Variants in NOC2L observed in about 807,000 individuals in gnomAD.
NOC2L encodes the protein NOC2 like nucleolar associated transcriptional repressor.
A neutral mutation model predicts 94.2 loss-of-function variants in NOC2L; 101 were observed. The observed-to-expected ratio is 1.07, with a 90% CI of 0.91 to 1.26. The LOEUF is 1.26. Ranked by LOEUF, NOC2L falls within the 50% of genes most tolerant of loss-of-function variation. The pLI, the probability that NOC2L is intolerant of heterozygous loss-of-function variation, is 0.00. For missense variants in NOC2L, 1,076 were observed against 980.1 expected (o/e 1.10, Z -1.31); for synonymous variants, 531 against 413.4 (o/e 1.28, Z -3.45).
At position 956,178 on chromosome 1, in the gene NOC2L, T is replaced by C. The variant is rs2100395700; in HGVS notation, c.524A>G (p.Gln175Arg). The C allele has an allele frequency of 6.2e-7, 1 of 1,613,904 alleles. No individual in the cohort carries two copies. The highest frequency in any genetic ancestry group is 8.5e-7 in the Non-Finnish European group (1 of 1,180,004). Residue 175 changes from glutamine (Q) to arginine (R), a missense_variant, in exon 5 of 19, where the codon CAG becomes CGG. Gln to Arg is a conservative substitution (Grantham distance 43). Transcript: ENST00000327044. ...GGTGGCCACAGCTGCTCGGAACGCC[T>C]GTACCACTTCATGGAACAGCTTTGG... ...LTPKLFHEVVQAFRAAVATTR... is the reference protein window; with the variant it reads ...LTPKLFHEVVRAFRAAVATTR...
chr1:947,474 G>T (rs1294740858), intron 14 of NOC2L, among the ~76,000 whole-genome samples: 1 of 152,240 alleles, frequency 6.6e-6, no homozygotes, highest in African/African-American at 2.4e-5. Flanking sequence ...CAGACCTATA[G>T]TCGGCACATC....
At chr1:949,034 A>C (rs970772139) in intron 12 of NOC2L, among the ~76,000 whole-genome samples, 1 of 97,918 alleles carries the variant, frequency 1.0e-5, no homozygotes, top group African/African-American at 3.4e-5. Flanking sequence ...AGCAACCAGA[A>C]GACGCAGCAG....
rs1557619783 is a variant in NOC2L, at chr1:952,090, A to G, written c.1241T>C (p.Leu414Pro). The G allele has an allele frequency of 1.9e-6, 3 of 1,613,668 alleles. No homozygotes were observed. Among genetic ancestry groups the G allele is most frequent in the Admixed American group, 1.7e-5 (1 of 60,020 alleles). The change falls in exon 11 of 19, where the codon CTG becomes CCG. Residue 414 changes from leucine (L) to proline (P), a missense_variant. Coordinates refer to ENST00000327044, the MANE Select transcript of NOC2L (RefSeq NM_015658.4). ...YNWQYVHCLFLWCRVLSTAGP... is the reference protein window; with the variant it reads ...YNWQYVHCLFPWCRVLSTAGP... ...CGCAGTGCTCAGGACCCGGCACCACAGGAAGAGGCAGTGCACATACTGCCA... is the reference window on the plus strand; with the variant it reads ...CGCAGTGCTCAGGACCCGGCACCACGGGAAGAGGCAGTGCACATACTGCCA...
rs370176089 is a variant in NOC2L at position 944,795 on chromosome 1, C to A, written c.2149G>T (p.Asp717Tyr). ...EEDSSNSEDG[D>Y]PDAEAGLAPG... ...GCCAGCCCCGCCTCTGCGTCTGGGT[C>A]TCCATCTGCGGGGAGAGATGGAGGC... The change falls in exon 19 of 19, where the codon GAC (aspartate) becomes TAC (tyrosine). Residue 717 changes from aspartate to tyrosine, a missense_variant. Asp to Tyr is a radical substitution (Grantham distance 160, BLOSUM62 -3). Transcript: ENST00000327044. The A allele has an allele frequency of 2.5e-6, 4 of 1,583,848 alleles. No homozygotes were observed. Among genetic ancestry groups the A allele is most frequent in the South Asian group, 1.1e-5 (1 of 89,436 alleles).
chr1:953,945 A>T, intron 7 of NOC2L, 53 bp from the exon 8 acceptor site: 1 of 1,607,478 alleles, frequency 6.2e-7, no homozygotes, highest in Non-Finnish European at 8.5e-7. Context: ...CTGGGATACA[A>T]AAAAGGACCG....
chr1:952,609 A>G lies in NOC2L; in HGVS notation c.1003-9T>C, dbSNP rs112966263. 1,216 of 1,613,330 alleles carry G rather than the reference A, an allele frequency of 7.5e-4. 10 individuals are homozygous for G. The African/African-American group carries it at 0.014, about 19-fold the overall frequency. ...TACGTGATGTACATTTGCTGCGGAG[A>G]GACCCGGGTCAGAGCCACCTGGGAT... On this transcript the variant is annotated splice_polypyrimidine_tract_variant and intron_variant, in intron 9 of 18. Coordinates refer to ENST00000327044, the MANE Select transcript of NOC2L (RefSeq NM_015658.4).
At position 956,061 on chromosome 1, in the gene NOC2L, G is replaced by A. The variant is rs1023796060; in HGVS notation, c.607+34C>T. 7.4e-6 allele frequency: 12 copies of A among 1,613,980 alleles called. No individual in the cohort carries two copies. The African/African-American group carries it at 1.2e-4, about 16-fold the overall frequency. ...TACTCACGGGACAGAGAACGCAACAGACAGCCTGGATGCCAGGCTCCCCCC... is the reference window on the plus strand; with the variant it reads ...TACTCACGGGACAGAGAACGCAACAAACAGCCTGGATGCCAGGCTCCCCCC... On this transcript the variant is annotated intron_variant, in intron 5 of 18. Coordinates refer to ENST00000327044, the MANE Select transcript of NOC2L (RefSeq NM_015658.4).
At chr1:958,653 C>CA in intron 2 of NOC2L, 2 of 653,256 alleles carry the variant, frequency 3.1e-6, no homozygotes, top group Non-Finnish European at 5.7e-6. Flanking sequence ...TACCGAACTG[C>CA]AGGCGGTGAT....
chr1:956,174 C>T lies in NOC2L; in HGVS notation c.528G>A (p.Ala176=), dbSNP rs141993612. The change falls in exon 5 of 19, where the codon GCG becomes GCA. Residue 176 remains alanine, a synonymous_variant. Transcript: ENST00000327044. Reference sequence around the variant, plus strand: ...GGGTGGTGGCCACAGCTGCTCGGAACGCCTGTACCACTTCATGGAACAGCT... The same window carrying T: ...GGGTGGTGGCCACAGCTGCTCGGAATGCCTGTACCACTTCATGGAACAGCT... ...TPKLFHEVVQ[A]FRAAVATTRG... is the part of the protein sequence containing the mutation. 1.8e-5 allele frequency: 29 copies of T among 1,613,910 alleles called. No homozygotes were observed. The African/African-American group carries it at 2.0e-4, about 11-fold the overall frequency.
At chr1:947,429 G>A (rs932129952) in intron 14 of NOC2L, among the ~76,000 whole-genome samples, 1 of 152,224 alleles carries the variant, frequency 6.6e-6, no homozygotes, top group Non-Finnish European at 1.5e-5. Context: ...ACCAATTGTG[G>A]CTCATGTGAG....
Position 944,560 on chromosome 1 carries a change from A to AAAT in NOC2L, c.*131_*133dup, listed in dbSNP as rs1178505466. On this transcript the variant is annotated 3_prime_UTR_variant, in exon 19 of 19. Transcript: ENST00000327044. Reference sequence around the variant, plus strand: ...CGTTTGGTCTTTCATGCTGAAAAATAAATAATAAAGCCTGTCCCGTGTCTA... The same window carrying AAAT: ...CGTTTGGTCTTTCATGCTGAAAAATAAATAATAATAAAGCCTGTCCCGTGTCTA... 11 of 633,886 alleles carry AAAT rather than the reference A, an allele frequency of 1.7e-5. No individual in the cohort carries two copies. In the African/African-American group the frequency reaches 2.1e-4, roughly 12 times the overall value. The allele number at this position is 633,886 out of a possible 1,614,324, so 39.3% of individuals were successfully genotyped here. A position where few individuals can be genotyped will look rare whatever the true frequency, so the allele number is the denominator to read the frequency against.
Position 955,902 on chromosome 1 carries a change from CTTCA to C in NOC2L, c.698+17_698+20del. On this transcript the variant is annotated intron_variant, in intron 6 of 18. Coordinates refer to ENST00000327044, the MANE Select transcript of NOC2L (RefSeq NM_015658.4). ...CCGACCCACCTTCCACCCTACCCCC[CTTCA>C]CCCCCTCCCCTCTTACCTGCTGCTA... The C allele has an allele frequency of 6.3e-7, 1 of 1,592,496 alleles. No individual in the cohort carries two copies. The highest frequency in any genetic ancestry group is 8.6e-7 in the Non-Finnish European group (1 of 1,160,620).
In NOC2L at chr1:952,481, G is replaced by A. The variant is rs1227263549; in HGVS notation, c.1122C>T (p.Tyr374=). The A allele has an allele frequency of 2.5e-6, 4 of 1,613,800 alleles. No homozygotes were observed. Among genetic ancestry groups the A allele is most frequent in the African/African-American group, 2.7e-5 (2 of 75,062 alleles). Residue 374 remains tyrosine, a synonymous_variant, in exon 10 of 19, where the codon TAC becomes TAT. Coordinates refer to ENST00000327044, the MANE Select transcript of NOC2L (RefSeq NM_015658.4). ...ELLALEPGVA[Y]QHAFLYIRQL... ...GGCGGATGTAGAGGAAGGCGTGCTG[G>A]TAGGCCACACCCGGCTCCAGGGCCA...
intron 8 of NOC2L, 95 bp downstream of exon 8, chr1:953,684 GCAC>G: frequency 1.1e-6 from 1 of 901,812 alleles, no homozygotes. Context: ...TGGAGTGTGG[GCAC>G]CACCTGTGCC....
intron 6 of NOC2L, 144 bp downstream of exon 6, chr1:955,779 G>C: frequency 1.4e-6 from 1 of 711,086 alleles, no homozygotes; most frequent in Non-Finnish European, 2.4e-6. Context: ...ACGGTCCCTC[G>C]TGCCCCGCTG....
At chr1:959,134 C>T (rs536203093) in intron 1 of NOC2L, 53 bp from the exon 2 acceptor site, 1 of 1,611,926 alleles carries the variant, frequency 6.2e-7, no homozygotes, top group Non-Finnish European at 8.5e-7. Flanking sequence ...CGCCCCAGCC[C>T]CGCTGAGAGG....
At chr1:945,210 T>C in intron 17 of NOC2L, 64 bp from the exon 18 acceptor site, 1 of 1,536,626 alleles carries the variant, frequency 6.5e-7, no homozygotes, top group East Asian at 2.5e-5. Context: ...AAAGTCACAG[T>C]GGGGGCAGGA....
intron 10 of NOC2L, 49 bp downstream of exon 10, chr1:952,363 C>T (rs1642282852): frequency 6.3e-7 from 1 of 1,596,086 alleles, no homozygotes; most frequent in South Asian, 1.1e-5. Flanking sequence ...GGCACCTGGG[C>T]TGCCCCACCC....
rs1642372089 is a variant in NOC2L at position 955,394 on chromosome 1, A to G, written c.698+529T>C. Among the ~76,000 whole-genome samples, 3 of 152,208 alleles carry G rather than the reference A, an allele frequency of 2.0e-5. No individual in the cohort carries two copies. The South Asian group carries it at 6.2e-4, about 32-fold the overall frequency. ...ATGGCTGCACAGCCCCGGAACCCCA[A>G]CGTGCTCCATGCTCTACCAAATGCT... On this transcript the variant is annotated intron_variant, in intron 6 of 18. Coordinates refer to ENST00000327044, the MANE Select transcript of NOC2L (RefSeq NM_015658.4).
Sources: gnomAD v4.1 joint callset for allele counts (sites outside exome capture counted in the v4.1 genomes callset) on GRCh38, gnomAD v4.1.1 for gene constraint, MANE v1.5 for transcripts, NCBI Gene and HGNC (gene_info 2026-07-23, HGNC 2026-07-21) for gene names.